The following TUSC3 variants were observed in gnomAD, a reference collection of about 807,000 sequenced individuals.
The protein encoded by TUSC3 is dolichyl-diphosphooligosaccharide--protein glycosyltransferase subunit TUSC3.
TUSC3 carries 45 observed loss-of-function variants against 44.8 expected under a neutral mutation model. The observed-to-expected ratio is 1.00, with a 90% CI of 0.79 to 1.29. The LOEUF (loss-of-function observed/expected upper bound fraction) is 1.29. TUSC3 is among the 50% of genes most tolerant of loss of function. The pLI is 0.00. For synonymous variants in TUSC3, 212 were observed against 152.9 expected (o/e 1.39, Z -2.85); for missense variants, 519 against 437.9 (o/e 1.19, Z -1.65).
At chr8:15,663,195 A>G (rs1807504001) in intron 5 of TUSC3, among the ~76,000 whole-genome samples, 1 of 151,922 alleles carries the variant, frequency 6.6e-6, no homozygotes, top group South Asian at 2.1e-4. Context: ...AAAATGTATG[A>G]AATATTTATA....
At chr8:15,497,330 C>T (rs994943754) in intron 2 of TUSC3, among the ~76,000 whole-genome samples, 1 of 152,070 alleles carries the variant, frequency 6.6e-6, no homozygotes, top group Non-Finnish European at 1.5e-5. Context: ...ATAGAAGAGA[C>T]ATATCCTCAA....
At chr8:15,562,791 T>G (rs993965393) in intron 1 of TUSC3, among the ~76,000 whole-genome samples, 1 of 152,156 alleles carries the variant, frequency 6.6e-6, no homozygotes, top group African/African-American at 2.4e-5. Flanking sequence ...CATGGCTATT[T>G]GCTTTATTCC....
At chr8:15,442,953 T>C (rs1800039855) in intron 1 of TUSC3, among the ~76,000 whole-genome samples, 1 of 152,172 alleles carries the variant, frequency 6.6e-6, no homozygotes, top group Non-Finnish European at 1.5e-5. Context: ...CTTTAGTTGG[T>C]TAAGCTAGTT....
intron 1 of TUSC3, among the ~76,000 whole-genome samples, chr8:15,445,525 G>C (rs1051414357): frequency 6.6e-6 from 1 of 152,062 alleles, no homozygotes; most frequent in Admixed American, 6.5e-5. Context: ...GACTCTTAAC[G>C]AGCATGCTGC....
intron 1 of TUSC3, among the ~76,000 whole-genome samples, chr8:15,594,996 A>G (rs1585135938): frequency 6.6e-6 from 1 of 152,116 alleles, no homozygotes; most frequent in Non-Finnish European, 1.5e-5. Flanking sequence ...ACTTCGGGGC[A>G]ATATGATACT....
intron 3 of TUSC3, among the ~76,000 whole-genome samples, chr8:15,651,168 A>G (rs1408360308): frequency 1.3e-5 from 2 of 152,214 alleles, no homozygotes; most frequent in African/African-American, 4.8e-5. Flanking sequence ...CTTTTGCAAC[A>G]TAGAGGAAAT....
chr8:15,494,387 G>A (rs1384254476), intron 2 of TUSC3, among the ~76,000 whole-genome samples: 3 of 148,400 alleles, frequency 2.0e-5, no homozygotes, highest in Non-Finnish European at 3.0e-5. Context: ...GCGCGATCTC[G>A]GCTCACTGCA....
intron 1 of TUSC3, among the ~76,000 whole-genome samples, chr8:15,428,073 C>G (rs1247580614): frequency 1.3e-5 from 2 of 150,464 alleles, no homozygotes; most frequent in Non-Finnish European, 3.0e-5. Context: ...CACCCATTAA[C>G]TCGTCATTTA....
At chr8:15,463,897 A>G (rs1455329251) in intron 1 of TUSC3, among the ~76,000 whole-genome samples, 3 of 152,158 alleles carry the variant, frequency 2.0e-5, no homozygotes, top group Non-Finnish European at 2.9e-5. Flanking sequence ...TTTCCTTCCC[A>G]TAGAGGTTTA....
At chr8:15,622,190 G>A (rs1312028259) in intron 1 of TUSC3, among the ~76,000 whole-genome samples, 2 of 152,118 alleles carry the variant, frequency 1.3e-5, no homozygotes, top group Non-Finnish European at 2.9e-5. Flanking sequence ...TAAAATGGCA[G>A]GCAGTTTCTT....
At chr8:15,603,151 A>T (rs888299745) in intron 1 of TUSC3, among the ~76,000 whole-genome samples, 5 of 151,716 alleles carry the variant, frequency 3.3e-5, no homozygotes, top group Non-Finnish European at 5.9e-5. Context: ...TGACTAGTTA[A>T]TTACCACTAA....
At chr8:15,467,160 A>G (rs1470110481) in intron 1 of TUSC3, among the ~76,000 whole-genome samples, 1 of 152,040 alleles carries the variant, frequency 6.6e-6, no homozygotes, top group Admixed American at 6.6e-5. Flanking sequence ...TGATTAAAAG[A>G]CAACACTGTT....
chr8:15,806,746 A>G, the TUSC3 span: 1 of 788,636 alleles, frequency 1.3e-6, no homozygotes, highest in Non-Finnish European at 2.2e-6. Flanking sequence ...TCACATGCTA[A>G]AGCATTACAG....
chr8:15,458,747 G>T (rs745549934), intron 1 of TUSC3, among the ~76,000 whole-genome samples: 2 of 151,864 alleles, frequency 1.3e-5, no homozygotes, highest in Non-Finnish European at 3.0e-5. Flanking sequence ...AGAATGATGA[G>T]TAACTGGGGA....
At chr8:15,447,340 G>C (rs896524638) in intron 1 of TUSC3, among the ~76,000 whole-genome samples, 2 of 152,090 alleles carry the variant, frequency 1.3e-5, no homozygotes, top group African/African-American at 2.4e-5. Flanking sequence ...TACTTCAGCT[G>C]TCAGAAAACT....
At chr8:15,430,669 G>A (rs1799862343) in intron 1 of TUSC3, among the ~76,000 whole-genome samples, 1 of 151,552 alleles carries the variant, frequency 6.6e-6, no homozygotes, top group South Asian at 2.1e-4. Context: ...CATTCAATTA[G>A]GAAAAGAGGC....
chr8:15,610,539 A>T (rs894415895), intron 1 of TUSC3, among the ~76,000 whole-genome samples: 1 of 152,218 alleles, frequency 6.6e-6, no homozygotes, highest in Admixed American at 6.5e-5. Flanking sequence ...GGCAACAGCA[A>T]TTCTTAAGTT....
At chr8:15,805,480 ATCT>A in the TUSC3 span, among the ~76,000 whole-genome samples, 1 of 151,856 alleles carries the variant, frequency 6.6e-6, no homozygotes. Context: ...TCATAGATGG[ATCT>A]TATTATTTTG....
At chr8:15,705,162 C>T (rs1267351950) in intron 6 of TUSC3, among the ~76,000 whole-genome samples, 1 of 151,318 alleles carries the variant, frequency 6.6e-6, no homozygotes, top group African/African-American at 2.4e-5. Context: ...GAATTAGAGC[C>T]ATAGTTACCA....
Sources: gnomAD v4.1 joint callset for allele counts (sites outside exome capture counted in the v4.1 genomes callset) on GRCh38, gnomAD v4.1.1 for gene constraint, MANE v1.5 for transcripts, NCBI Gene and HGNC (gene_info 2026-07-23, HGNC 2026-07-21) for gene names.